Variants in PHF2 observed in about 807,000 individuals in gnomAD.
The protein encoded by PHF2 is PHD finger protein 2.
In PHF2, 27 loss-of-function variants were observed where a neutral mutation model predicts 120.5. The observed-to-expected ratio is 0.22, with a 90% CI of 0.17 to 0.31. PHF2 has a LOEUF of 0.31. Among genes scored for constraint, PHF2 ranks in the 10% least tolerant of loss-of-function variants. PHF2 has a pLI of 1.00. For missense variants in PHF2, 1,024 were observed against 1,434.8 expected, an observed-to-expected ratio of 0.71 and a Z score of 4.63; for synonymous variants, 568 against 592.5, an observed-to-expected ratio of 0.96 and a Z score of 0.60.
chr9:93,623,894 A>T (rs1291190510), intron 1 of PHF2, among the ~76,000 whole-genome samples: 1 of 152,234 alleles, frequency 6.6e-6, no homozygotes, highest in Non-Finnish European at 1.5e-5. Context: ...TCTAGGGCCC[A>T]AGACCCTGGT....
chr9:93,584,783 T>G (rs2131598322), intron 1 of PHF2, among the ~76,000 whole-genome samples: 1 of 152,356 alleles, frequency 6.6e-6, no homozygotes, highest in South Asian at 2.1e-4. Flanking sequence ...AAAAAACCGC[T>G]GTTGGAATTT....
intron 1 of PHF2, among the ~76,000 whole-genome samples, chr9:93,605,065 A>C (rs1825514982): frequency 6.6e-6 from 1 of 152,204 alleles, no homozygotes; most frequent in African/African-American, 2.4e-5. Context: ...GAAAAGATCG[A>C]GAGTTCCCAC....
intron 17 of PHF2, among the ~76,000 whole-genome samples, chr9:93,671,594 G>A: frequency 6.9e-6 from 1 of 144,468 alleles, no homozygotes; most frequent in Non-Finnish European, 1.5e-5. Flanking sequence ...GGGTGTGGGA[G>A]TAGGGTCAGG....
chr9:93,577,287 CT>C (rs1862842100), intron 1 of PHF2, among the ~76,000 whole-genome samples: 1 of 151,584 alleles, frequency 6.6e-6, no homozygotes, highest in Admixed American at 6.6e-5. Flanking sequence ...GTTGCAGGAA[CT>C]TTCCCCGCGC....
intron 17 of PHF2, among the ~76,000 whole-genome samples, chr9:93,668,698 A>C (rs544506251): frequency 6.6e-6 from 1 of 152,182 alleles, no homozygotes; most frequent in Admixed American, 6.5e-5. Context: ...ATCTGAGCCC[A>C]GGAGTAGGGC....
chr9:93,621,710 G>T (rs972299305), intron 1 of PHF2, among the ~76,000 whole-genome samples: 1 of 152,096 alleles, frequency 6.6e-6, no homozygotes, highest in Non-Finnish European at 1.5e-5. Context: ...CCTGAGCCTC[G>T]GCCTTCCCCC....
intron 3 of PHF2, among the ~76,000 whole-genome samples, chr9:93,637,888 A>G (rs1324601145): frequency 2.0e-5 from 3 of 152,202 alleles, no homozygotes; most frequent in Admixed American, 2.0e-4. Context: ...TCCCCGTTTT[A>G]CCTTCCCACC....
intron 1 of PHF2, among the ~76,000 whole-genome samples, chr9:93,623,267 G>A (rs567726419): frequency 6.6e-6 from 1 of 152,198 alleles, no homozygotes; most frequent in South Asian, 2.1e-4. Flanking sequence ...TAACATGTAT[G>A]CTTGAAGTGA....
chr9:93,652,401 T>C (rs970035616), intron 5 of PHF2, among the ~76,000 whole-genome samples: 1 of 151,684 alleles, frequency 6.6e-6, no homozygotes, highest in East Asian at 1.9e-4. Context: ...TTCAAGTGAT[T>C]CTCCTGCCTC....
At chr9:93,660,751 C>A (rs545264521) in intron 12 of PHF2, among the ~76,000 whole-genome samples, 191 bp downstream of exon 12, 2 of 152,312 alleles carry the variant, frequency 1.3e-5, no homozygotes, top group Admixed American at 1.3e-4. Context: ...CTGGTCCTGA[C>A]CCAGTCCTGC....
intron 17 of PHF2, among the ~76,000 whole-genome samples, chr9:93,673,146 C>G (rs1826841139): frequency 6.6e-6 from 1 of 151,872 alleles, no homozygotes; most frequent in Non-Finnish European, 1.5e-5. Context: ...AAGGAATGCC[C>G]AGGGCTAGTT....
At chr9:93,664,414 G>A (rs1460031822) in intron 14 of PHF2, among the ~76,000 whole-genome samples, 1 of 152,206 alleles carries the variant, frequency 6.6e-6, no homozygotes, top group Non-Finnish European at 1.5e-5. Context: ...TGTGCTCCCG[G>A]TGCGTGGGAC....
chr9:93,590,686 C>T (rs1262822740), intron 1 of PHF2, among the ~76,000 whole-genome samples: 2 of 152,252 alleles, frequency 1.3e-5, no homozygotes, highest in East Asian at 3.8e-4. Flanking sequence ...TCTTACATCT[C>T]CGTGGCAGGA....
chr9:93,632,320 G>GTA (rs1481022315), intron 2 of PHF2, among the ~76,000 whole-genome samples: 1 of 152,196 alleles, frequency 6.6e-6, no homozygotes, highest in Non-Finnish European at 1.5e-5. Context: ...CTGCCTGGCT[G>GTA]TACACATGTG....
At chr9:93,672,491 G>T (rs1035048442) in intron 17 of PHF2, 1 of 984,904 alleles carries the variant, frequency 1.0e-6, no homozygotes, top group Non-Finnish European at 1.2e-6. Flanking sequence ...AGTAGGCACA[G>T]GTGTACATGC....
At chr9:93,649,816 C>G (rs1339380674) in intron 5 of PHF2, among the ~76,000 whole-genome samples, 1 of 152,128 alleles carries the variant, frequency 6.6e-6, no homozygotes, top group South Asian at 2.1e-4. Context: ...GCAGTCATGA[C>G]ACACTCATAC....
chr9:93,606,066 T>G lies in PHF2; in HGVS notation c.99-23904T>G, dbSNP rs566996715. 3.3e-5 allele frequency among the ~76,000 whole-genome samples: 5 copies of G among 152,182 alleles called. No homozygotes were observed. In the East Asian group the frequency reaches 9.7e-4, roughly 29 times the overall value. ...TCAGCTCACTGCAACCTCCACCTCC[T>G]GGGGTCAAGCCAGCGTCCCACCCCA... is the stretch of plus-strand genomic sequence containing the variant. On this transcript the variant is annotated intron_variant, in intron 1 of 21. Transcript: ENST00000359246.
intron 1 of PHF2, among the ~76,000 whole-genome samples, chr9:93,584,785 T>C (rs891839534): frequency 2.1e-4 from 32 of 152,240 alleles, no homozygotes; most frequent in Non-Finnish European, 8.8e-5. Flanking sequence ...AAAACCGCTG[T>C]TGGAATTTTG....
intron 1 of PHF2, among the ~76,000 whole-genome samples, chr9:93,613,195 T>C (rs1825666348): frequency 1.3e-5 from 2 of 152,232 alleles, no homozygotes; most frequent in Non-Finnish European, 2.9e-5. Flanking sequence ...TTTGGGGTTT[T>C]CTTTGAGCAA....
Sources: gnomAD v4.1 joint callset for allele counts (sites outside exome capture counted in the v4.1 genomes callset) on GRCh38, gnomAD v4.1.1 for gene constraint, MANE v1.5 for transcripts, NCBI Gene and HGNC (gene_info 2026-07-23, HGNC 2026-07-21) for gene names.